Variants in ADAM7 observed in about 807,000 individuals in gnomAD.
The protein encoded by ADAM7 is disintegrin and metalloproteinase domain-containing protein 7.
A neutral mutation model predicts 102.9 loss-of-function variants in ADAM7; 97 were observed. That is an observed-to-expected ratio of 0.94 (90% CI 0.80 to 1.12). The LOEUF is 1.12. ADAM7 is among the 50% of genes most tolerant of loss of function. ADAM7 has a pLI of 0.00. For missense variants in ADAM7, 991 were observed against 908.7 expected (o/e 1.09, Z -1.16); for synonymous variants, 334 against 304.4 (o/e 1.10, Z -1.01).
chr8:24,473,438 C>T (rs560008949), intron 7 of ADAM7, among the ~76,000 whole-genome samples: 1 of 152,224 alleles, frequency 6.6e-6, no homozygotes, highest in African/African-American at 2.4e-5. Flanking sequence ...GTTGTGCTTT[C>T]TTGCATCATA....
intron 3 of ADAM7, among the ~76,000 whole-genome samples, chr8:24,462,399 C>T (rs1052290999): frequency 1.1e-4 from 16 of 152,104 alleles, no homozygotes; most frequent in African/African-American, 3.6e-4. Context: ...CAAATAAGAA[C>T]AACTGTGGTT....
chr8:24,464,936 G>T (rs1054967719), intron 4 of ADAM7, among the ~76,000 whole-genome samples: 6 of 149,598 alleles, frequency 4.0e-5, no homozygotes, highest in African/African-American at 1.5e-4. Context: ...ACAGGCGCAC[G>T]CCACCGTGCC....
At chr8:24,493,364 GGAGCA>G (rs778612062) in intron 16 of ADAM7, 135 bp downstream of exon 16, 2 of 750,220 alleles carry the variant, frequency 2.7e-6, no homozygotes, top group Non-Finnish European at 4.0e-6. Context: ...TTTTTAATGA[GGAGCA>G]GAGTAGCAAT....
chr8:24,474,516 C>G (rs1024156458), intron 7 of ADAM7, among the ~76,000 whole-genome samples: 25 of 151,910 alleles, frequency 1.6e-4, no homozygotes, highest in Admixed American at 1.6e-3. Flanking sequence ...GTAAATCATC[C>G]ATTTTCATTA....
intron 3 of ADAM7, among the ~76,000 whole-genome samples, chr8:24,459,876 G>C (rs1204632801): frequency 6.6e-6 from 1 of 151,716 alleles, no homozygotes; most frequent in Non-Finnish European, 1.5e-5. Flanking sequence ...TTTTTCTCTG[G>C]TTATAGAAAT....
chr8:24,506,457 T>C (rs916185536), intron 20 of ADAM7, among the ~76,000 whole-genome samples: 2 of 152,116 alleles, frequency 1.3e-5, no homozygotes, highest in Admixed American at 1.3e-4. Flanking sequence ...TGCAAATTAA[T>C]TTTGATATTT....
chr8:24,508,839 C>T lies in ADAM7; in HGVS notation c.*293C>T. ...GTAACCTTGCTGTAGTATTTTCCTACAAAATGTTACTCTGCTTTCTTTTAA... is the reference window on the plus strand; with the variant it reads ...GTAACCTTGCTGTAGTATTTTCCTATAAAATGTTACTCTGCTTTCTTTTAA... On this transcript the variant is annotated 3_prime_UTR_variant, in exon 22 of 22. Transcript: ENST00000175238. 3 of 1,214,310 alleles carry T rather than the reference C, an allele frequency of 2.5e-6. No homozygotes were observed. The highest frequency in any genetic ancestry group is 2.0e-6 in the Non-Finnish European group (2 of 976,008). 75.2% of individuals were successfully genotyped at this position (1,214,310 alleles called of 1,614,324 possible). A position where few individuals can be genotyped will look rare whatever the true frequency, so the allele number is the denominator to read the frequency against.
chr8:24,473,521 T>C (rs1029783790), intron 7 of ADAM7, among the ~76,000 whole-genome samples: 3 of 152,138 alleles, frequency 2.0e-5, no homozygotes, highest in African/African-American at 7.2e-5. Context: ...TGTTTGTACA[T>C]GTTTTCATGT....
At chr8:24,481,077 A>G (rs981364862) in intron 8 of ADAM7, among the ~76,000 whole-genome samples, 19 of 151,550 alleles carry the variant, frequency 1.3e-4, no homozygotes, top group African/African-American at 4.6e-4. Context: ...CAAACAAACA[A>G]ACAAACAAAC....
At position 24,507,520 on chromosome 8, in the gene ADAM7, A is replaced by G. The variant is rs531038243; in HGVS notation, c.2249A>G (p.Asn750Ser). The G allele has an allele frequency of 5.0e-6, 8 of 1,612,610 alleles. No individual in the cohort carries two copies. In the South Asian group the frequency reaches 7.7e-5, roughly 15 times the overall value. Reference sequence around the variant, plus strand: ...GATTCAAGAGGAATCGCAGATCCCAATCAAAGTGCCAAGTGGTAGGTTACC... The same window carrying G: ...GATTCAAGAGGAATCGCAGATCCCAGTCAAAGTGCCAAGTGGTAGGTTACC... The part of the protein sequence containing the change: ...SKDSRGIADP[N>S]QSAK The change falls in exon 21 of 22, where the codon AAT becomes AGT. Residue 750 changes from asparagine to serine, a missense_variant. Coordinates refer to ENST00000175238, the MANE Select transcript of ADAM7 (RefSeq NM_003817.4).
At position 24,482,202 on chromosome 8, in the gene ADAM7, G is replaced by T. The variant is rs910236169; in HGVS notation, c.766G>T (p.Asp256Tyr). 2 of 1,607,354 alleles carry T rather than the reference G, an allele frequency of 1.2e-6. No homozygotes were observed. Among genetic ancestry groups the T allele is most frequent in the Non-Finnish European group, 1.7e-6 (2 of 1,177,574 alleles). ...TGGCATTGAAATATGGACACATGAA[G>T]ATAAAATAGAACTATATTCAAATAT... ...LVGIEIWTHE[D>Y]KIELYSNIET... is the part of the protein sequence containing the mutation. Residue 256 changes from aspartate to tyrosine, a missense_variant, in exon 9 of 22, where the codon GAT becomes TAT. Asp to Tyr is a radical substitution (Grantham distance 160, BLOSUM62 -3). Transcript: ENST00000175238.
At chr8:24,466,325 C>A (rs894672746) in intron 5 of ADAM7, among the ~76,000 whole-genome samples, 3 of 152,116 alleles carry the variant, frequency 2.0e-5, no homozygotes, top group African/African-American at 7.2e-5. Context: ...AGGAAAAGAA[C>A]AAGGAAGTTC....
At chr8:24,453,558 T>G (rs191836486) in intron 3 of ADAM7, among the ~76,000 whole-genome samples, 110 of 152,284 alleles carry the variant, frequency 7.2e-4, no homozygotes, top group Non-Finnish European at 1.0e-3. Context: ...TCATCTAAAT[T>G]TTTTTCAAAG....
At chr8:24,496,452 G>A (rs1820556960) in intron 16 of ADAM7, among the ~76,000 whole-genome samples, 1 of 152,186 alleles carries the variant, frequency 6.6e-6, no homozygotes, top group African/African-American at 2.4e-5. Flanking sequence ...CCCTGGAATG[G>A]TAGATCCACC....
At chr8:24,482,461 T>G (rs1361013625) in intron 9 of ADAM7, 150 bp downstream of exon 9, 4 of 793,006 alleles carry the variant, frequency 5.0e-6, no homozygotes, top group Middle Eastern at 3.7e-4. Flanking sequence ...CACAGAAAAT[T>G]TCCAAGCAAG....
At chr8:24,493,560 A>T (rs182720303) in intron 16 of ADAM7, among the ~76,000 whole-genome samples, 79 of 152,300 alleles carry the variant, frequency 5.2e-4, no homozygotes, top group African/African-American at 1.7e-3. Context: ...TATTTTATTC[A>T]TTCACTCATA....
intron 20 of ADAM7, among the ~76,000 whole-genome samples, chr8:24,506,454 T>C (rs1820953583): frequency 6.6e-6 from 1 of 152,156 alleles, no homozygotes; most frequent in African/African-American, 2.4e-5. Flanking sequence ...TCTTGCAAAT[T>C]AATTTTGATA....
chr8:24,490,950 A>C, intron 13 of ADAM7, 62 bp downstream of exon 13: 1 of 1,549,436 alleles, frequency 6.5e-7, no homozygotes, highest in Admixed American at 1.7e-5. Context: ...AGGATCCAAG[A>C]GTTATCTAAC....
At chr8:24,508,313 T>C (rs1821019004) in intron 21 of ADAM7, among the ~76,000 whole-genome samples, 1 of 152,182 alleles carries the variant, frequency 6.6e-6, no homozygotes, top group Non-Finnish European at 1.5e-5. Context: ...AGCAAACTGT[T>C]TGGCATCCCA....
Sources: allele counts gnomAD v4.1 joint callset (sites outside exome capture counted in the v4.1 genomes callset), GRCh38; gene constraint gnomAD v4.1.1; transcripts MANE v1.5; gene names NCBI Gene and HGNC (gene_info 2026-07-23, HGNC 2026-07-21).